Variants in C12orf76 observed in about 807,000 individuals in gnomAD.
The protein encoded by C12orf76 is chromosome 12 open reading frame 76.
A neutral mutation model predicts 6.8 loss-of-function variants in C12orf76; 6 were observed. The ratio of observed to expected loss-of-function variants is 0.88; its 90% CI spans 0.48 to 1.73. The LOEUF (loss-of-function observed/expected upper bound fraction) is 1.73, where lower values mean the gene tolerates loss of function less well. C12orf76 is among the 40% of genes most tolerant of loss of function. C12orf76 has a pLI of 0.01. For synonymous variants in C12orf76, 56 were observed against 43.7 expected, an observed-to-expected ratio of 1.28 and a Z score of -1.11; for missense variants, 99 against 98.2, an observed-to-expected ratio of 1.01 and a Z score of -0.03.
exon 2 of C12orf76, chr12:110,065,966 C>T: frequency 1.2e-6 from 2 of 1,612,894 alleles, no homozygotes; most frequent in Non-Finnish European, 1.7e-6. Flanking sequence ...TCTTCTCCTT[C>T]TATGGGGTCA....
chr12:110,055,487 G>T lies in C12orf76; in HGVS notation n.664+1702C>A, dbSNP rs550837673. Among the ~76,000 whole-genome samples, 3 of 152,246 alleles carry T rather than the reference G, an allele frequency of 2.0e-5. No homozygotes were observed. In the East Asian group the frequency reaches 5.8e-4, roughly 29 times the overall value. On this transcript the variant is annotated intron_variant and non_coding_transcript_variant, in intron 4 of 4. Coordinates refer to the C12orf76 transcript ENST00000309050. ...CTCCCAAAGTGTTGGGATTACAGGC[G>T]TGAGTCACCGTGCCTGGCAGAGACA...
At chr12:110,045,595 A>G (rs915383366) in intron 1 of C12orf76, among the ~76,000 whole-genome samples, 2 of 152,034 alleles carry the variant, frequency 1.3e-5, no homozygotes, top group African/African-American at 4.8e-5. Flanking sequence ...AAAAATAAAA[A>G]ATAAAAAACT....
chr12:110,053,997 C>G (rs570508375), upstream of C12orf76, among the ~76,000 whole-genome samples: 2 of 152,050 alleles, frequency 1.3e-5, no homozygotes, highest in South Asian at 4.2e-4. Flanking sequence ...ATTGCTTGGG[C>G]CCAGGAGGTC....
intron 1 of C12orf76, chr12:110,045,942 G>A (rs1391904962): frequency 4.6e-6 from 1 of 219,380 alleles, no homozygotes; most frequent in Admixed American, 4.7e-5. Context: ...TTGGGCAACA[G>A]AGTGAGACTC....
intron 2 of C12orf76, among the ~76,000 whole-genome samples, chr12:110,060,627 C>A (rs11064885): frequency 0.22 from 33,866 of 152,052 alleles, 6,043 homozygotes; most frequent in African/African-American, 0.5. Flanking sequence ...AAAGGTTAGC[C>A]CTTCTCCGGG....
At chr12:110,058,531 G>T (rs966683230) in intron 3 of C12orf76, among the ~76,000 whole-genome samples, 4 of 152,160 alleles carry the variant, frequency 2.6e-5, no homozygotes, top group African/African-American at 9.7e-5. Flanking sequence ...CAGTTGTGGT[G>T]GTGCATGCTT....
intron 3 of C12orf76, among the ~76,000 whole-genome samples, chr12:110,058,065 C>CAAAAAAAAAAAAAAAAAAAAAAAAAA (rs59838926): frequency 3.8e-5 from 2 of 52,670 alleles, no homozygotes; most frequent in African/African-American, 6.7e-5. Flanking sequence ...GACTCGGTCT[C>CAAAAAAAAAAAAAAAAAAAAAAAAAA]AAAAAAAAAA....
chr12:110,057,940 T>C (rs1892699026), intron 3 of C12orf76, among the ~76,000 whole-genome samples: 1 of 151,560 alleles, frequency 6.6e-6, no homozygotes, highest in South Asian at 2.1e-4. Context: ...GGTGGGCGCC[T>C]ATAATCCCAG....
chr12:110,051,564 T>A (rs1892576876), upstream of C12orf76, among the ~76,000 whole-genome samples: 1 of 151,876 alleles, frequency 6.6e-6, no homozygotes, highest in Non-Finnish European at 1.5e-5. Flanking sequence ...GTAGCTGGGA[T>A]TACAGGCGCA....
At chr12:110,070,695 A>G (rs1402870259), upstream of C12orf76, among the ~76,000 whole-genome samples, 1 of 152,198 alleles carries the variant, frequency 6.6e-6, no homozygotes, top group East Asian at 1.9e-4. Context: ...GGCATTTACT[A>G]ATTATGCTCT....
chr12:110,042,128 TCTTA>T lies in C12orf76; in HGVS notation c.*242_*245del. The T allele has an allele frequency of 7.3e-6, 4 of 550,798 alleles. No homozygotes were observed. Among genetic ancestry groups the T allele is most frequent in the Admixed American group, 3.1e-5 (1 of 32,754 alleles). The allele number at this position is 550,798 out of a possible 1,614,324, so 34.1% of individuals were successfully genotyped here. On this transcript the variant is annotated 3_prime_UTR_variant, in exon 2 of 2. Transcript: ENST00000615315. ...TACACTGACCTTTGGAGCTTTCAGG[TCTTA>T]CTTTTAACAAGTACAGTCAGAAACA...
At chr12:110,068,483 T>C (rs1892921553), upstream of C12orf76, among the ~76,000 whole-genome samples, 1 of 152,174 alleles carries the variant, frequency 6.6e-6, no homozygotes, top group Admixed American at 6.5e-5. Flanking sequence ...CTTTGAGGCT[T>C]TGTGGTTAAC....
chr12:110,057,284 C>A, exon 4 of C12orf76: 1 of 1,611,814 alleles, frequency 6.2e-7, no homozygotes, highest in Non-Finnish European at 8.5e-7. Context: ...AGTTCCTCTC[C>A]CCCTTACAGC....
At chr12:110,066,404 A>C (rs12812059) in intron 1 of C12orf76, among the ~76,000 whole-genome samples, 4 of 113,124 alleles carry the variant, frequency 3.5e-5, no homozygotes, top group African/African-American at 6.4e-5. Context: ...AAAAAAAAAA[A>C]CGGCTGGGCG....
chr12:110,048,682 A>G, upstream of C12orf76: 1 of 1,255,074 alleles, frequency 8.0e-7, no homozygotes, highest in Non-Finnish European at 1.0e-6. Flanking sequence ...CTCAATAACT[A>G]ATGTTTCCCC....
intron 2 of C12orf76, among the ~76,000 whole-genome samples, chr12:110,061,083 C>CAAA (rs34382276): frequency 4.7e-5 from 4 of 84,278 alleles, no homozygotes; most frequent in Non-Finnish European, 7.6e-5. Flanking sequence ...GACTCTGACT[C>CAAA]AAAAAAAAAA....
chr12:110,071,070 C>T (rs548321182), upstream of C12orf76, among the ~76,000 whole-genome samples: 19 of 152,260 alleles, frequency 1.2e-4, no homozygotes, highest in African/African-American at 4.3e-4. Context: ...CCACCATGCC[C>T]GGCCCAGTGT....
upstream of C12orf76, chr12:110,067,709 G>A: frequency 6.7e-6 from 2 of 297,100 alleles, no homozygotes; most frequent in Non-Finnish European, 1.0e-5. Context: ...TCCTGCCACA[G>A]GAACCAGCAC....
chr12:110,052,986 A>C (rs1892607024), upstream of C12orf76, among the ~76,000 whole-genome samples: 1 of 146,402 alleles, frequency 6.8e-6, no homozygotes, highest in Non-Finnish European at 1.5e-5. Flanking sequence ...GCGGATCACA[A>C]GGTCAGGAGA....
Sources: gnomAD v4.1 joint callset for allele counts (sites outside exome capture counted in the v4.1 genomes callset) on GRCh38, gnomAD v4.1.1 for gene constraint, MANE v1.5 for transcripts, NCBI Gene and HGNC (gene_info 2026-07-23, HGNC 2026-07-21) for gene names.